Variants in GALNTL6 observed in about 807,000 individuals in gnomAD.
GALNTL6 encodes polypeptide N-acetylgalactosaminyltransferase-like 6.
Under a neutral mutation model 73.7 loss-of-function variants are expected in GALNTL6, and 46 were observed. The ratio of observed to expected loss-of-function variants is 0.62; its 90% CI spans 0.49 to 0.80. The LOEUF (loss-of-function observed/expected upper bound fraction) is 0.80, where lower values mean the gene tolerates loss of function less well. Ranked by LOEUF, GALNTL6 falls within the 30% of genes least tolerant of loss-of-function variation. The probability of loss-of-function intolerance (pLI) is 0.00; values close to 1 mark genes in which losing one functional copy is unlikely to be tolerated. For synonymous variants in GALNTL6, 259 were observed against 263.7 expected, an observed-to-expected ratio of 0.98 and a Z score of 0.17; for missense variants, 604 against 755.0, an observed-to-expected ratio of 0.80 and a Z score of 2.34.
intron 2 of GALNTL6, among the ~76,000 whole-genome samples, chr4:172,180,016 G>A (rs1033366332): frequency 7.2e-5 from 11 of 152,206 alleles, no homozygotes; most frequent in Admixed American, 2.0e-4. Flanking sequence ...TTGAGGAATC[G>A]CCACACTGTC....
intron 7 of GALNTL6, among the ~76,000 whole-genome samples, chr4:172,863,610 T>C (rs535493133): frequency 6.6e-6 from 1 of 152,318 alleles, no homozygotes; most frequent in South Asian, 2.1e-4. Flanking sequence ...CCCCATTGTA[T>C]TTAGGAAGTA....
At chr4:171,906,843 C>T (rs1333653456) in intron 2 of GALNTL6, among the ~76,000 whole-genome samples, 1 of 152,132 alleles carries the variant, frequency 6.6e-6, no homozygotes, top group Non-Finnish European at 1.5e-5. Flanking sequence ...GTTCAATATA[C>T]ACAAATCAAT....
intron 10 of GALNTL6, among the ~76,000 whole-genome samples, chr4:172,980,147 C>T (rs1751003788): frequency 6.6e-6 from 1 of 152,198 alleles, no homozygotes; most frequent in African/African-American, 2.4e-5. Flanking sequence ...TTAGGTCCTG[C>T]CTTATGTGAT....
chr4:172,976,181 G>C (rs894212461), intron 10 of GALNTL6, among the ~76,000 whole-genome samples: 7 of 152,140 alleles, frequency 4.6e-5, no homozygotes, highest in Admixed American at 1.3e-4. Context: ...AAATTAAAAA[G>C]AATTGCTACT....
chr4:172,744,678 T>C lies in GALNTL6; in HGVS notation c.554-64683T>C, dbSNP rs544749616. 3.3e-5 allele frequency among the ~76,000 whole-genome samples: 5 copies of C among 152,250 alleles called. No individual in the cohort carries two copies. In the South Asian group the frequency reaches 1.0e-3, roughly 32 times the overall value. ...TTTCCACTTTATCCTTTGTGCCTATTGTGGTGACTGCCTCCACCTTTTCTC... is the reference window on the plus strand; with the variant it reads ...TTTCCACTTTATCCTTTGTGCCTATCGTGGTGACTGCCTCCACCTTTTCTC... On this transcript the variant is annotated intron_variant, in intron 5 of 12. Coordinates refer to ENST00000506823, the MANE Select transcript of GALNTL6 (RefSeq NM_001034845.3).
intron 2 of GALNTL6, among the ~76,000 whole-genome samples, chr4:172,020,274 C>A (rs1448650056): frequency 6.6e-6 from 1 of 151,218 alleles, no homozygotes; most frequent in Non-Finnish European, 1.5e-5. Context: ...CAAAAGCAAA[C>A]CAAACCCAAA....
intron 10 of GALNTL6, among the ~76,000 whole-genome samples, chr4:172,976,509 C>T (rs1426950603): frequency 1.3e-5 from 2 of 152,202 alleles, no homozygotes; most frequent in African/African-American, 4.8e-5. Flanking sequence ...GAAACCACAG[C>T]ATTTCTTTCC....
intron 5 of GALNTL6, among the ~76,000 whole-genome samples, chr4:172,452,380 A>AG (rs1732245539): frequency 6.6e-6 from 1 of 151,994 alleles, no homozygotes; most frequent in Admixed American, 6.6e-5. Context: ...AAAGAAAAAA[A>AG]AAATTAGACT....
At chr4:172,107,778 T>A (rs983708830) in intron 2 of GALNTL6, among the ~76,000 whole-genome samples, 1 of 151,968 alleles carries the variant, frequency 6.6e-6, no homozygotes, top group Admixed American at 6.6e-5. Flanking sequence ...TATACATATG[T>A]AACTAACCTG....
rs857291 is a variant in GALNTL6, at chr4:172,611,227, G to C, written c.554-198134G>C. Among the ~76,000 whole-genome samples, 1,276 of 152,088 alleles carry C rather than the reference G, an allele frequency of 8.4e-3. 18 individuals are homozygous for C. Among genetic ancestry groups the C allele is most frequent in the African/African-American group, 0.03 (1,230 of 41,514 alleles). ...GCAGATTTGATCTTGTCATTATGATGTTAGCTGGTTATAATGCAGACTTGA... is the reference window on the plus strand; with the variant it reads ...GCAGATTTGATCTTGTCATTATGATCTTAGCTGGTTATAATGCAGACTTGA... On this transcript the variant is annotated intron_variant, in intron 5 of 12. Transcript: ENST00000506823.
intron 11 of GALNTL6, among the ~76,000 whole-genome samples, chr4:173,019,112 A>T (rs1752891355): frequency 6.6e-6 from 1 of 152,338 alleles, no homozygotes; most frequent in Non-Finnish European, 1.5e-5. Flanking sequence ...TTAGATGAGG[A>T]TGGTAAGGGA....
At chr4:172,082,483 G>A (rs947998426) in intron 2 of GALNTL6, among the ~76,000 whole-genome samples, 2 of 152,134 alleles carry the variant, frequency 1.3e-5, no homozygotes, top group African/African-American at 4.8e-5. Context: ...ATTACCAAGG[G>A]AGAGAGCAAA....
chr4:171,930,030 C>G (rs368084435), intron 2 of GALNTL6, among the ~76,000 whole-genome samples: 1 of 152,346 alleles, frequency 6.6e-6, no homozygotes, highest in South Asian at 2.1e-4. Context: ...CTAGCCACCC[C>G]ACCCCCGCTA....
rs1384620695 is a variant in GALNTL6 at position 172,663,906 on chromosome 4, G to A, written c.554-145455G>A. 3.4e-5 allele frequency among the ~76,000 whole-genome samples: 5 copies of A among 147,590 alleles called. No homozygotes were observed. In the Admixed American group the frequency reaches 3.4e-4, roughly 10 times the overall value. On this transcript the variant is annotated intron_variant, in intron 5 of 12. Coordinates refer to ENST00000506823, the MANE Select transcript of GALNTL6 (RefSeq NM_001034845.3). Reference sequence around the variant, plus strand: ...GATCATGTCACTGCACTCCAGCCTGGGTGACAAAGTGAGACTCTGTCTCAA... The same window carrying A: ...GATCATGTCACTGCACTCCAGCCTGAGTGACAAAGTGAGACTCTGTCTCAA...
intron 2 of GALNTL6, among the ~76,000 whole-genome samples, chr4:171,948,596 T>G (rs1156806365): frequency 6.6e-6 from 1 of 152,216 alleles, no homozygotes; most frequent in Non-Finnish European, 1.5e-5. Flanking sequence ...GAAATATATG[T>G]GTGTTACTAC....
rs190472497 is a variant in GALNTL6, at chr4:171,853,715, G to T, written c.138+38997G>T. On this transcript the variant is annotated intron_variant, in intron 2 of 12. Transcript: ENST00000506823. ...AATCTCTGCCTCCCTAGGTCCAAGCGATTCTCCTGCCTCAGCCTCCTGAGT... is the reference window on the plus strand; with the variant it reads ...AATCTCTGCCTCCCTAGGTCCAAGCTATTCTCCTGCCTCAGCCTCCTGAGT... Among the ~76,000 whole-genome samples the T allele has an allele frequency of 7.1e-5, 10 of 141,198 alleles. No homozygotes were observed. The East Asian group carries it at 1.1e-3, about 16-fold the overall frequency. 92.6% of individuals were successfully genotyped at this position (141,198 alleles called of 152,430 possible).
chr4:172,862,900 G>A (rs1744470555), intron 7 of GALNTL6, among the ~76,000 whole-genome samples: 1 of 152,178 alleles, frequency 6.6e-6, no homozygotes, highest in Non-Finnish European at 1.5e-5. Context: ...TGGTTTCCTG[G>A]GCTGGGCCCA....
intron 2 of GALNTL6, among the ~76,000 whole-genome samples, chr4:171,980,636 A>T (rs535411752): frequency 6.6e-6 from 1 of 152,224 alleles, no homozygotes; most frequent in Non-Finnish European, 1.5e-5. Context: ...CTTCTCATCA[A>T]GGCTAACACA....
chr4:171,985,742 A>T (rs1196547261), intron 2 of GALNTL6, among the ~76,000 whole-genome samples: 1 of 149,372 alleles, frequency 6.7e-6, no homozygotes, highest in Non-Finnish European at 1.5e-5. Context: ...CTATAAAATT[A>T]TATATATATA....
Sources: allele counts gnomAD v4.1 joint callset (sites outside exome capture counted in the v4.1 genomes callset), GRCh38; gene constraint gnomAD v4.1.1; transcripts MANE v1.5; gene names NCBI Gene and HGNC (gene_info 2026-07-23, HGNC 2026-07-21).